ESRRG: variants seen among roughly 807,000 people sequenced by gnomAD.
ESRRG encodes estrogen related receptor gamma, also known as estrogen-related receptor gamma.
In ESRRG, 13 loss-of-function variants were observed where a neutral mutation model predicts 44.0. The ratio of observed to expected loss-of-function variants is 0.30; its 90% CI spans 0.19 to 0.47. ESRRG has a LOEUF of 0.47. Among genes scored for constraint, ESRRG ranks in the 20% least tolerant of loss-of-function variants. The pLI is 1.00. For synonymous variants in ESRRG, 215 were observed against 214.6 expected, an observed-to-expected ratio of 1.00 and a Z score of -0.02; for missense variants, 395 against 580.6, an observed-to-expected ratio of 0.68 and a Z score of 3.29.
chr1:216,747,756 T>C (rs1307018429), intron 2 of ESRRG, among the ~76,000 whole-genome samples: 1 of 152,220 alleles, frequency 6.6e-6, no homozygotes, highest in African/African-American at 2.4e-5. Flanking sequence ...AAAAAAGGAC[T>C]AATTTATACA....
chr1:216,616,051 C>T (rs990063117), intron 3 of ESRRG, among the ~76,000 whole-genome samples: 31 of 152,098 alleles, frequency 2.0e-4, no homozygotes, highest in Admixed American at 2.0e-3. Flanking sequence ...CAGTCATTTG[C>T]TTTCTATAGC....
Position 216,507,138 on chromosome 1 carries a change from T to G in ESRRG, c.1178A>C (p.Asp393Ala). ...ATCCTGCAGCGCTTCATGTAAGACA[T>G]CCTGAAGCTTCTGAACGGCTTCAAC... ...EDVEAVQKLQDVLHEALQDYE... is the reference protein window; with the variant it reads ...EDVEAVQKLQAVLHEALQDYE... Residue 393 changes from aspartate to alanine, a missense_variant, in exon 7 of 7, where the codon GAT (aspartate) becomes GCT (alanine). Asp to Ala is a moderately radical substitution (Grantham distance 126). Transcript: ENST00000408911. 6.2e-7 allele frequency: 1 copy of G among 1,613,122 alleles called. No individual in the cohort carries two copies. Among genetic ancestry groups the G allele is most frequent in the African/African-American group, 1.3e-5 (1 of 75,024 alleles).
chr1:216,725,819 C>T (rs1302061806), upstream of ESRRG, among the ~76,000 whole-genome samples: 2 of 152,094 alleles, frequency 1.3e-5, no homozygotes, highest in African/African-American at 4.8e-5. Context: ...TCCGATTTTG[C>T]ACCGGTGCAG....
intron 2 of ESRRG, among the ~76,000 whole-genome samples, chr1:216,902,630 C>CT (rs552485533): frequency 1.2e-4 from 18 of 152,326 alleles, no homozygotes; most frequent in Non-Finnish European, 2.6e-4. Context: ...TTCTTAGCAT[C>CT]TTTGAGAGTT....
At chr1:216,733,421 T>G (rs1213325865) in intron 2 of ESRRG, among the ~76,000 whole-genome samples, 2 of 152,196 alleles carry the variant, frequency 1.3e-5, no homozygotes, top group East Asian at 3.9e-4. Flanking sequence ...TTTCTAGTAC[T>G]GCCCACGTTC....
intron 2 of ESRRG, among the ~76,000 whole-genome samples, chr1:216,881,227 C>G (rs1231215929): frequency 6.6e-6 from 1 of 152,032 alleles, no homozygotes; most frequent in Non-Finnish European, 1.5e-5. Context: ...CTCACTAAGA[C>G]AGGATATTCT....
At chr1:216,630,820 A>G (rs949975340) in intron 3 of ESRRG, among the ~76,000 whole-genome samples, 2 of 152,164 alleles carry the variant, frequency 1.3e-5, no homozygotes, top group African/African-American at 2.4e-5. Flanking sequence ...TGTGACGTCC[A>G]CTGCAAAGGG....
At chr1:217,129,044 A>T (rs890386664) in intron 1 of ESRRG, among the ~76,000 whole-genome samples, 52 of 150,296 alleles carry the variant, frequency 3.5e-4, no homozygotes, top group East Asian at 1.2e-3. Context: ...ACAAAGTGTT[A>T]AAAAAACCCA....
chr1:216,852,929 G>A (rs4338425), intron 2 of ESRRG, among the ~76,000 whole-genome samples: 112,740 of 151,918 alleles, frequency 0.74, 42,130 homozygotes, highest in African/African-American at 0.81. Context: ...CCTAGGTCCC[G>A]GGAAACCTAA....
intron 3 of ESRRG, among the ~76,000 whole-genome samples, chr1:216,637,551 G>A (rs2065535275): frequency 1.3e-5 from 2 of 152,142 alleles, no homozygotes. Context: ...GATTAATTAA[G>A]AGAAGAACCA....
intron 3 of ESRRG, among the ~76,000 whole-genome samples, chr1:216,596,753 A>T (rs868706830): frequency 6.6e-6 from 1 of 152,214 alleles, no homozygotes; most frequent in Non-Finnish European, 1.5e-5. Flanking sequence ...TCGTCCAAAC[A>T]GTAACTAAAT....
At chr1:216,847,049 G>T (rs2095762682) in intron 2 of ESRRG, among the ~76,000 whole-genome samples, 3 of 152,016 alleles carry the variant, frequency 2.0e-5, no homozygotes, top group Admixed American at 2.0e-4. Context: ...TCACCAGCAG[G>T]GTGACTACTG....
At chr1:216,926,889 C>A (rs4335430) in intron 2 of ESRRG, among the ~76,000 whole-genome samples, 2 of 152,158 alleles carry the variant, frequency 1.3e-5, no homozygotes, top group Admixed American at 6.5e-5. Flanking sequence ...ATGCTGAATG[C>A]AGCATGCTGT....
intron 2 of ESRRG, among the ~76,000 whole-genome samples, chr1:216,802,907 A>G (rs1397174522): frequency 1.3e-5 from 2 of 152,156 alleles, no homozygotes; most frequent in Non-Finnish European, 2.9e-5. Context: ...GTGATTTTAC[A>G]TATCTTGAAG....
intron 2 of ESRRG, among the ~76,000 whole-genome samples, chr1:216,904,284 G>C (rs1310538820): frequency 6.6e-6 from 1 of 151,798 alleles, no homozygotes; most frequent in East Asian, 1.9e-4. Flanking sequence ...CCTCACAGAT[G>C]ACATAGTAAA....
intron 1 of ESRRG, among the ~76,000 whole-genome samples, chr1:217,114,667 C>CTTTTTT (rs139701773): frequency 3.7e-5 from 4 of 107,252 alleles, no homozygotes; most frequent in East Asian, 2.6e-4. Context: ...CAAAAGATTT[C>CTTTTTT]TTTTTTTTTT....
chr1:217,007,811 T>C (rs2077968877), intron 1 of ESRRG, among the ~76,000 whole-genome samples: 1 of 152,076 alleles, frequency 6.6e-6, no homozygotes, highest in Non-Finnish European at 1.5e-5. Flanking sequence ...CAAACACTGT[T>C]CTAGGTGCTA....
chr1:216,986,596 G>T (rs1035919242), intron 1 of ESRRG, among the ~76,000 whole-genome samples: 1 of 151,692 alleles, frequency 6.6e-6, no homozygotes. Flanking sequence ...GAGTGGCGGG[G>T]CATGGCTGTG....
chr1:216,759,287 C>T (rs2092637884), intron 2 of ESRRG, among the ~76,000 whole-genome samples: 2 of 152,088 alleles, frequency 1.3e-5, no homozygotes, highest in South Asian at 4.1e-4. Context: ...GCAAAGGCTG[C>T]TTCAACAAAT....
Sources: allele counts gnomAD v4.1 joint callset (sites outside exome capture counted in the v4.1 genomes callset), GRCh38; gene constraint gnomAD v4.1.1; transcripts MANE v1.5; gene names NCBI Gene and HGNC (gene_info 2026-07-23, HGNC 2026-07-21).